The following IGFL2 variants were observed in gnomAD, a reference collection of about 807,000 sequenced individuals.
IGFL2 encodes insulin growth factor-like family member 2.
In IGFL2, 7 loss-of-function variants were observed where a neutral mutation model predicts 13.9. That is an observed-to-expected ratio of 0.51 (90% CI 0.29 to 0.95). The LOEUF (loss-of-function observed/expected upper bound fraction) is 0.95. IGFL2 is among the 40% of genes least tolerant of loss of function. The pLI is 0.08. For missense variants in IGFL2, 138 were observed against 147.8 expected (o/e 0.93, Z 0.34); for synonymous variants, 55 against 55.8 (o/e 0.99, Z 0.07).
chr19:46,213,041 T>C, the IGFL2 span: 1 of 152,220 alleles, frequency 6.6e-6, no homozygotes, highest in African/African-American at 2.4e-5. Flanking sequence ...TCCTGGGCCA[T>C]GGGCTTGGGT....
At chr19:46,169,702 A>G in the IGFL2 span, among the ~76,000 whole-genome samples, 1 of 151,888 alleles carries the variant, frequency 6.6e-6, no homozygotes, top group Non-Finnish European at 1.5e-5. Flanking sequence ...ACAAAAATCA[A>G]CCAGGTGTGG....
the IGFL2 span, among the ~76,000 whole-genome samples, chr19:46,080,252 AG>A: frequency 6.6e-6 from 1 of 152,308 alleles, no homozygotes; most frequent in Non-Finnish European, 1.5e-5. Flanking sequence ...AATACATTTA[AG>A]CTGCGAGCCG....
chr19:46,107,454 G>A, the IGFL2 span, among the ~76,000 whole-genome samples: 1 of 152,236 alleles, frequency 6.6e-6, no homozygotes, highest in Admixed American at 6.5e-5. Context: ...GGCTTAGGAG[G>A]AATCCCAGGC....
chr19:46,123,979 G>A, the IGFL2 span: 1 of 1,611,594 alleles, frequency 6.2e-7, no homozygotes, highest in East Asian at 2.3e-5. Flanking sequence ...GGGGCCAAAA[G>A]ACTCGGGACA....
At chr19:46,134,014 A>G in the IGFL2 span, among the ~76,000 whole-genome samples, 4 of 152,190 alleles carry the variant, frequency 2.6e-5, no homozygotes, top group African/African-American at 9.6e-5. Flanking sequence ...AAGTGTGGGA[A>G]TTGACATCAG....
chr19:46,083,606 C>G, the IGFL2 span, among the ~76,000 whole-genome samples: 5 of 152,012 alleles, frequency 3.3e-5, no homozygotes, highest in East Asian at 9.6e-4. Context: ...AAATATATTA[C>G]TTTATTATTT....
the IGFL2 span, among the ~76,000 whole-genome samples, chr19:46,085,491 T>C: frequency 6.6e-6 from 1 of 152,326 alleles, no homozygotes; most frequent in Admixed American, 6.5e-5. Flanking sequence ...GCTTGATAGA[T>C]CTTTCTCCAT....
the IGFL2 span, among the ~76,000 whole-genome samples, chr19:46,110,034 T>C: frequency 0.029 from 4,360 of 152,288 alleles, 96 homozygotes; most frequent in African/African-American, 0.056. Context: ...ACAAGACATG[T>C]TCGAGTAAGC....
chr19:46,134,601 TATTAG>T, the IGFL2 span, among the ~76,000 whole-genome samples: 2 of 152,230 alleles, frequency 1.3e-5, no homozygotes, highest in East Asian at 1.9e-4. Context: ...AGATAAGGAG[TATTAG>T]ATTAGATAAG....
the IGFL2 span, among the ~76,000 whole-genome samples, chr19:46,100,460 G>C: frequency 5.9e-5 from 9 of 152,280 alleles, no homozygotes; most frequent in African/African-American, 1.9e-4. Context: ...TCATGCAAGT[G>C]AATCTGCATT....
At chr19:46,095,535 GTGCCATTTGTCAATTT>G in the IGFL2 span, among the ~76,000 whole-genome samples, 1 of 152,086 alleles carries the variant, frequency 6.6e-6, no homozygotes, top group East Asian at 1.9e-4. Context: ...GTTTAATTAG[GTGCCATTTGTCAATTT>G]TGCTTTGGTT....
chr19:46,161,299 A>AC (rs1157572420), downstream of IGFL2: 6 of 440,910 alleles, frequency 1.4e-5, no homozygotes, highest in Admixed American at 1.1e-4. Flanking sequence ...ACACACCTGT[A>AC]CCCAATGTCG....
the IGFL2 span, among the ~76,000 whole-genome samples, chr19:46,086,181 C>G: frequency 6.6e-6 from 1 of 151,944 alleles, no homozygotes; most frequent in Non-Finnish European, 1.5e-5. Flanking sequence ...TTAATGATAC[C>G]TATCTCTTTG....
the IGFL2 span, chr19:46,124,203 C>G: frequency 6.2e-7 from 1 of 1,609,340 alleles, no homozygotes; most frequent in Non-Finnish European, 8.5e-7. Context: ...AACAGATACT[C>G]AATTCCCAGT....
the IGFL2 span, among the ~76,000 whole-genome samples, chr19:46,183,174 G>T: frequency 6.6e-6 from 1 of 152,082 alleles, no homozygotes; most frequent in Non-Finnish European, 1.5e-5. Context: ...AGAGCAAGAC[G>T]GGGGACGTGC....
At chr19:46,101,482 C>G in the IGFL2 span, among the ~76,000 whole-genome samples, 2,575 of 152,284 alleles carry the variant, frequency 0.017, 61 homozygotes, top group African/African-American at 0.057. Flanking sequence ...AGGGTCCAGC[C>G]TAAAGAGGCA....
the IGFL2 span, among the ~76,000 whole-genome samples, chr19:46,185,902 G>C: frequency 2.0e-5 from 3 of 152,152 alleles, no homozygotes; most frequent in African/African-American, 7.2e-5. Flanking sequence ...TGAGCCCCGG[G>C]AAATTTTTAA....
At chr19:46,106,139 C>T in the IGFL2 span, among the ~76,000 whole-genome samples, 222 of 152,068 alleles carry the variant, frequency 1.5e-3, no homozygotes, top group African/African-American at 5.2e-3. Context: ...GGAGATTAGC[C>T]GGACACAATC....
the IGFL2 span, among the ~76,000 whole-genome samples, chr19:46,130,182 C>CT: frequency 6.6e-6 from 1 of 152,070 alleles, no homozygotes; most frequent in Non-Finnish European, 1.5e-5. Flanking sequence ...GCAACTCCTG[C>CT]TTTTTTCTGT....
Sources: gnomAD v4.1 joint callset for allele counts (sites outside exome capture counted in the v4.1 genomes callset) on GRCh38, gnomAD v4.1.1 for gene constraint, MANE v1.5 for transcripts, NCBI Gene and HGNC (gene_info 2026-07-23, HGNC 2026-07-21) for gene names.